The following MTHFD2 variants were observed in gnomAD, a reference collection of about 807,000 sequenced individuals.
MTHFD2 encodes methylenetetrahydrofolate dehydrogenase (NADP+ dependent) 2, methenyltetrahydrofolate cyclohydrolase.
MTHFD2 carries 26 observed loss-of-function variants against 36.8 expected under a neutral mutation model. That is an observed-to-expected ratio of 0.71 (90% confidence interval 0.52 to 0.98). The LOEUF (loss-of-function observed/expected upper bound fraction) is 0.98, where lower values mean the gene tolerates loss of function less well. Ranked by LOEUF, MTHFD2 falls within the 50% of genes least tolerant of loss-of-function variation. The pLI, the probability that MTHFD2 is intolerant of heterozygous loss-of-function variation, is 0.00. For missense variants in MTHFD2, 373 were observed against 434.0 expected, an observed-to-expected ratio of 0.86 and a Z score of 1.25; for synonymous variants, 164 against 155.2, an observed-to-expected ratio of 1.06 and a Z score of -0.42.
chr2:74,201,203 G>T (rs58284801), intron 1 of MTHFD2, among the ~76,000 whole-genome samples: 3,971 of 152,018 alleles, frequency 0.026, 178 homozygotes, highest in African/African-American at 0.09. Flanking sequence ...GGCCAGGCTG[G>T]TCTCGACCTC....
chr2:74,211,920 T>C (rs561530854), intron 7 of MTHFD2, 54 bp downstream of exon 7: 3 of 1,367,956 alleles, frequency 2.2e-6, no homozygotes, highest in Admixed American at 1.9e-5. Context: ...CTACCTTTCA[T>C]GGACATTTAG....
At chr2:74,208,872 TTTTG>T (rs901033747) in intron 4 of MTHFD2, 151 bp downstream of exon 4, 13 of 783,218 alleles carry the variant, frequency 1.7e-5, no homozygotes, top group Admixed American at 3.2e-5. Context: ...ACAGTTTTTT[TTTTG>T]TTTTTTGTTT....
At chr2:74,205,918 G>A (rs780669000) in intron 2 of MTHFD2, 29 bp downstream of exon 2, 86 of 1,598,440 alleles carry the variant, frequency 5.4e-5, no homozygotes, top group Non-Finnish European at 6.8e-5. Context: ...CCTCGACTGC[G>A]GTTCAGTTGA....
intron 1 of MTHFD2, among the ~76,000 whole-genome samples, chr2:74,202,872 G>A (rs1441808753): frequency 2.6e-5 from 4 of 152,080 alleles, no homozygotes; most frequent in Admixed American, 2.0e-4. Flanking sequence ...ATTCTGAAAT[G>A]GAATTGTGAA....
intron 5 of MTHFD2, among the ~76,000 whole-genome samples, chr2:74,210,938 C>T (rs1416580301): frequency 2.0e-5 from 3 of 152,194 alleles, no homozygotes; most frequent in Non-Finnish European, 4.4e-5. Flanking sequence ...AGGCATGCGC[C>T]ACCACGCCCA....
At chr2:74,199,334 C>T (rs1693987622) in intron 1 of MTHFD2, among the ~76,000 whole-genome samples, 2 of 152,202 alleles carry the variant, frequency 1.3e-5, no homozygotes, top group South Asian at 2.1e-4. Flanking sequence ...GGCACCCTAG[C>T]TTTGGCTGCA....
chr2:74,205,582 C>T (rs1694156675), intron 1 of MTHFD2, 123 bp from the exon 2 acceptor site: 1 of 1,052,714 alleles, frequency 9.5e-7, no homozygotes, highest in Non-Finnish European at 1.4e-6. Flanking sequence ...GGGCTCAAGC[C>T]ATCCTCCTGC....
rs1694451523 is a variant in MTHFD2 at position 74,216,584 on chromosome 2, GGAT to G, written c.*2346_*2348del. On this transcript the variant is annotated 3_prime_UTR_variant, in exon 8 of 8. Coordinates refer to ENST00000394053, the MANE Select transcript of MTHFD2 (RefSeq NM_006636.4). ...TTGTTAGCTTCCCCAGGATTGGTGT[GGAT>G]GATAAATACTTTTTTTAAAAATTAA... The G allele has an allele frequency of 6.6e-6, 1 of 152,108 alleles. No homozygotes were observed. Among genetic ancestry groups the G allele is most frequent in the South Asian group, 2.1e-4 (1 of 4,820 alleles). 9.4% of individuals were successfully genotyped at this position (152,108 alleles called of 1,614,324 possible).
intron 5 of MTHFD2, 149 bp downstream of exon 5, chr2:74,210,198 G>A (rs2103828144): frequency 2.0e-6 from 1 of 504,084 alleles, no homozygotes; most frequent in Non-Finnish European, 3.4e-6. Flanking sequence ...AGTAACCTTT[G>A]TAGAGAAGCT....
rs553547865 is a variant in MTHFD2, at chr2:74,213,684, AT to A, written c.890-385del. On this transcript the variant is annotated intron_variant, in intron 7 of 7. Transcript: ENST00000394053. The stretch of plus-strand genomic sequence containing the variant: ...GGATTTTCACTTTAACATTAGGTTA[AT>A]TTTTTTTTTAACTTCTCACTTTTAA... Among the ~76,000 whole-genome samples the A allele has an allele frequency of 1.3e-4, 19 of 150,356 alleles. No homozygotes were observed. The East Asian group carries it at 2.9e-3, about 23-fold the overall frequency.
chr2:74,215,579 C>T lies in MTHFD2; in HGVS notation c.*1337C>T, dbSNP rs1351985779. 2 of 152,114 alleles carry T rather than the reference C, an allele frequency of 1.3e-5. No homozygotes were observed. Among genetic ancestry groups the T allele is most frequent in the African/African-American group, 4.8e-5 (2 of 41,378 alleles). 9.4% of individuals were successfully genotyped at this position (152,114 alleles called of 1,614,324 possible). ...CACACCCAAACAGAGGTTTAAAGAG[C>T]TTTGGAGAAACCAGCCTCGTCCTCC... On this transcript the variant is annotated 3_prime_UTR_variant, in exon 8 of 8. Transcript: ENST00000394053.
chr2:74,213,984 T>TA, intron 7 of MTHFD2, 95 bp from the exon 8 acceptor site: 1 of 1,364,844 alleles, frequency 7.3e-7, no homozygotes, highest in Non-Finnish European at 1.0e-6. Context: ...TTATGTATGT[T>TA]ACTTTTTCCT....
In MTHFD2 at chr2:74,211,216, A is replaced by G. The variant is rs567837914; in HGVS notation, c.688A>G (p.Ile230Val). 5 of 1,605,754 alleles carry G rather than the reference A, an allele frequency of 3.1e-6. No homozygotes were observed. Among genetic ancestry groups the G allele is most frequent in the South Asian group, 2.2e-5 (2 of 90,580 alleles). ...CTTTCTAGGTGATGCCACTGTTACA[A>G]TATCTCATCGATATACTCCCAAAGA... ...ERPGGDATVTISHRYTPKEQL... is the reference protein window; with the variant it reads ...ERPGGDATVTVSHRYTPKEQL... Residue 230 changes from isoleucine to valine, a missense_variant, in exon 6 of 8, where the codon ATA becomes GTA. Around this residue, in one of 2 missense-constraint regions of MTHFD2, gnomAD observed 308 missense variants for 397.8 expected, o/e 0.77. Coordinates refer to ENST00000394053, the MANE Select transcript of MTHFD2 (RefSeq NM_006636.4).
At chr2:74,209,193 T>C (rs1043426747) in intron 4 of MTHFD2, among the ~76,000 whole-genome samples, 3 of 151,906 alleles carry the variant, frequency 2.0e-5, no homozygotes, top group African/African-American at 7.3e-5. Context: ...ATGACAGTTT[T>C]TGCTTTTTAA....
chr2:74,215,185 A>G lies in MTHFD2; in HGVS notation c.*943A>G, dbSNP rs1192375607. ...ATGTATGTATCCTGTTGACTTTTCC[A>G]GAAATTTTTTAAGAGTTTGAGTTAC... On this transcript the variant is annotated 3_prime_UTR_variant, in exon 8 of 8. Coordinates refer to ENST00000394053, the MANE Select transcript of MTHFD2 (RefSeq NM_006636.4). 6.6e-6 allele frequency: 1 copy of G among 152,642 alleles called. No individual in the cohort carries two copies. Among genetic ancestry groups the G allele is most frequent in the Non-Finnish European group, 1.5e-5 (1 of 68,048 alleles). 9.5% of individuals were successfully genotyped at this position (152,642 alleles called of 1,614,324 possible).
rs780581774 is a variant in MTHFD2 at position 74,214,133 on chromosome 2, T to C, written c.944T>C (p.Met315Thr). Residue 315 changes from methionine to threonine, a missense_variant, in exon 8 of 8, where the codon ATG (methionine) becomes ACG (threonine). Around this residue, in one of 2 missense-constraint regions of MTHFD2, gnomAD observed 308 missense variants for 397.8 expected, o/e 0.77. Transcript: ENST00000394053. Reference sequence around the variant, plus strand: ...CCAGTTCCTGGAGGTGTTGGCCCCATGACAGTGGCAATGCTAATGAAGAAT... The same window carrying C: ...CCAGTTCCTGGAGGTGTTGGCCCCACGACAGTGGCAATGCTAATGAAGAAT... ...ITPVPGGVGP[M>T]TVAMLMKNTI... The C allele has an allele frequency of 1.9e-6, 3 of 1,614,142 alleles. No homozygotes were observed. The highest frequency in any genetic ancestry group is 1.1e-5 in the South Asian group (1 of 91,090).
intron 1 of MTHFD2, among the ~76,000 whole-genome samples, chr2:74,203,848 T>C (rs1200780352): frequency 3.0e-5 from 1 of 33,124 alleles, no homozygotes; most frequent in African/African-American, 2.1e-4. Flanking sequence ...CTCATCTAGT[T>C]TAGTTTAGTT....
In MTHFD2 at chr2:74,208,634, G is replaced by A; in HGVS notation, c.475G>A (p.Val159Ile). 1 of 1,614,190 alleles carries A rather than the reference G, an allele frequency of 6.2e-7. No homozygotes were observed. The highest frequency in any genetic ancestry group is 8.5e-7 in the Non-Finnish European group (1 of 1,180,016). Residue 159 changes from valine to isoleucine, a missense_variant, in exon 4 of 8, where the codon GTA (valine) becomes ATA (isoleucine). Physicochemically the swap from Val to Ile is conservative, Grantham distance 29. Around this residue, in one of 2 missense-constraint regions of MTHFD2, gnomAD observed 308 missense variants for 397.8 expected, o/e 0.77. Transcript: ENST00000394053. Reference sequence around the variant, plus strand: ...AGACAAGGATGTTGATGGCTTTCATGTAATTAATGTAGGACGAATGTGTTT... The same window carrying A: ...AGACAAGGATGTTGATGGCTTTCATATAATTAATGTAGGACGAATGTGTTT... ...SPDKDVDGFH[V>I]INVGRMCLDQ... is the part of the protein sequence containing the mutation.
At chr2:74,211,358 A>G in intron 6 of MTHFD2, 67 bp downstream of exon 6, 1 of 993,582 alleles carries the variant, frequency 1.0e-6, no homozygotes, top group Non-Finnish European at 1.6e-6. Context: ...CCCTCATCTT[A>G]GAATTCGCCT....
Sources: allele counts gnomAD v4.1 joint callset (sites outside exome capture counted in the v4.1 genomes callset), GRCh38; gene constraint gnomAD v4.1.1; regional missense constraint gnomAD v4.1.1; transcripts MANE v1.5; gene names NCBI Gene and HGNC (gene_info 2026-07-23, HGNC 2026-07-21).